TENM4: variants seen among roughly 807,000 people sequenced by gnomAD.
The protein encoded by TENM4 is teneurin-4.
A neutral mutation model predicts 243.3 loss-of-function variants in TENM4; 82 were observed. The ratio of observed to expected loss-of-function variants is 0.34; its 90% CI spans 0.28 to 0.40. The LOEUF is 0.40. TENM4 is among the 10% of genes least tolerant of loss of function. The pLI is 1.00. For synonymous variants in TENM4, 1,412 were observed against 1,456.3 expected (o/e 0.97, Z 0.69); for missense variants, 3,138 against 3,673.3 (o/e 0.85, Z 3.77).
intron 7 of TENM4, 71 bp downstream of exon 7, chr11:78,903,197 C>A: frequency 6.9e-7 from 1 of 1,443,670 alleles, no homozygotes; most frequent in Non-Finnish European, 9.1e-7. Flanking sequence ...ATGGCCCCGC[C>A]AGCCAAAGAC....
chr11:78,895,081 C>T (rs1037684393), intron 7 of TENM4, among the ~76,000 whole-genome samples: 16 of 150,950 alleles, frequency 1.1e-4, no homozygotes, highest in South Asian at 2.1e-4. Context: ...TTGTGGCTCA[C>T]GCCTGTAATC....
intron 19 of TENM4, among the ~76,000 whole-genome samples, chr11:78,739,499 G>A (rs1368278788): frequency 2.0e-5 from 3 of 151,958 alleles, no homozygotes; most frequent in African/African-American, 7.3e-5. Flanking sequence ...GCTCTTTGAG[G>A]GTAGGTCAAG....
chr11:79,183,069 T>A (rs967903360), intron 3 of TENM4, among the ~76,000 whole-genome samples: 12 of 152,176 alleles, frequency 7.9e-5, no homozygotes, highest in African/African-American at 2.9e-4. Flanking sequence ...TTTACCCAAA[T>A]GAATTGAAAA....
chr11:79,001,538 G>C (rs1420209508), intron 6 of TENM4, among the ~76,000 whole-genome samples: 1 of 152,150 alleles, frequency 6.6e-6, no homozygotes, highest in East Asian at 1.9e-4. Flanking sequence ...GAGGTTGTAG[G>C]AGCAGGGCTC....
At chr11:78,921,778 C>G (rs1410987497) in intron 6 of TENM4, among the ~76,000 whole-genome samples, 1 of 152,250 alleles carries the variant, frequency 6.6e-6, no homozygotes, top group Non-Finnish European at 1.5e-5. Flanking sequence ...CTTGTGATCT[C>G]AGACTGAGGA....
Position 79,383,874 on chromosome 11 carries a change from C to T in TENM4, c.-321+56635G>A, listed in dbSNP as rs563917931. Among the ~76,000 whole-genome samples, 316 of 152,340 alleles carry T rather than the reference C, an allele frequency of 2.1e-3. 3 individuals are homozygous for T. In the South Asian group the frequency reaches 0.023, roughly 11 times the overall value. On this transcript the variant is annotated intron_variant, in intron 1 of 33. Transcript: ENST00000278550. The stretch of plus-strand genomic sequence containing the variant: ...GTGTCAAGCCTTGAACAAGAAACCA[C>T]GGCACAGAAATGAATGTTCACATAA...
At chr11:78,982,227 T>C (rs1857814199) in intron 6 of TENM4, among the ~76,000 whole-genome samples, 1 of 152,138 alleles carries the variant, frequency 6.6e-6, no homozygotes, top group African/African-American at 2.4e-5. Flanking sequence ...TGCCAGGCAC[T>C]GGGACCCAGT....
Position 79,372,296 on chromosome 11 carries a change from G to A in TENM4, c.-321+68213C>T, listed in dbSNP as rs186301143. Among the ~76,000 whole-genome samples, 663 of 152,302 alleles carry A rather than the reference G, an allele frequency of 4.4e-3. 1 individual carries two copies. Among genetic ancestry groups the A allele is most frequent in the Non-Finnish European group, 7.0e-3 (478 of 68,026 alleles). On this transcript the variant is annotated intron_variant, in intron 1 of 33. Transcript: ENST00000278550. ...CCCATATGATGGGATTTGGATGGCA[G>A]AACCATTTTCTTTTGCAGTAAAATG...
At chr11:79,055,358 C>T (rs946198618) in intron 6 of TENM4, among the ~76,000 whole-genome samples, 1 of 152,070 alleles carries the variant, frequency 6.6e-6, no homozygotes, top group African/African-American at 2.4e-5. Context: ...CCTCCCACCT[C>T]AGCTTCCTGA....
chr11:78,908,735 T>C (rs1473235869), intron 6 of TENM4, among the ~76,000 whole-genome samples: 1 of 152,230 alleles, frequency 6.6e-6, no homozygotes, highest in South Asian at 2.1e-4. Context: ...TGAAAGCTCC[T>C]TTCTGCATTA....
chr11:78,898,455 T>C (rs1855845741), intron 7 of TENM4, among the ~76,000 whole-genome samples: 1 of 152,208 alleles, frequency 6.6e-6, no homozygotes, highest in Non-Finnish European at 1.5e-5. Context: ...GCTCCCATTC[T>C]GGTGGGGACT....
chr11:78,824,554 T>C (rs187173181), intron 12 of TENM4, among the ~76,000 whole-genome samples: 24 of 149,332 alleles, frequency 1.6e-4, no homozygotes, highest in African/African-American at 5.7e-4. Flanking sequence ...CAGGCTGGAG[T>C]GCAGTGGCAC....
chr11:79,122,298 T>G (rs1861760274), intron 4 of TENM4, among the ~76,000 whole-genome samples: 1 of 151,966 alleles, frequency 6.6e-6, no homozygotes, highest in Non-Finnish European at 1.5e-5. Flanking sequence ...ACTGGGAGAT[T>G]TATATTTGTC....
Position 79,138,986 on chromosome 11 carries a change from CTATAAATATATAAAATATATATTATATTT to C in TENM4, c.-66+9695_-66+9723del, listed in dbSNP as rs1565219965. Among the ~76,000 whole-genome samples the C allele has an allele frequency of 4.7e-3, 159 of 33,828 alleles. 23 individuals carry two copies. The highest frequency in any genetic ancestry group is 9.7e-3 in the Non-Finnish European group (132 of 13,672). The allele number at this position is 33,828 out of a possible 152,430, so 22.2% of individuals were successfully genotyped here. A position where few individuals can be genotyped will look rare whatever the true frequency, so the allele number is the denominator to read the frequency against. The stretch of plus-strand genomic sequence containing the variant: ...AATATATAAAATATATATTATATTT[CTATAAATATATAAAATATATATTATATTT>C]CTATAAATATATATTATATTTCTAT... On this transcript the variant is annotated intron_variant, in intron 4 of 33. Coordinates refer to ENST00000278550, the MANE Select transcript of TENM4 (RefSeq NM_001098816.3).
chr11:78,879,200 G>A (rs904793699), intron 9 of TENM4, among the ~76,000 whole-genome samples: 28 of 141,572 alleles, frequency 2.0e-4, no homozygotes, highest in South Asian at 4.8e-4. Context: ...CCGCCACCCC[G>A]TCTAGGAAGT....
intron 6 of TENM4, among the ~76,000 whole-genome samples, chr11:78,948,519 C>T (rs1455322132): frequency 1.3e-5 from 2 of 152,032 alleles, no homozygotes; most frequent in Non-Finnish European, 2.9e-5. Context: ...ACTACAGGCA[C>T]CCGCCACCGC....
At chr11:79,105,877 T>G (rs1861353518) in intron 4 of TENM4, among the ~76,000 whole-genome samples, 1 of 151,282 alleles carries the variant, frequency 6.6e-6, no homozygotes, top group African/African-American at 2.4e-5. Context: ...GAATTAATGG[T>G]GCTAGGAGAT....
At chr11:79,264,984 C>T (rs1025301461) in intron 2 of TENM4, among the ~76,000 whole-genome samples, 3 of 152,172 alleles carry the variant, frequency 2.0e-5, no homozygotes, top group Admixed American at 6.5e-5. Context: ...TGAGTGGAGG[C>T]AGCCAGGTGT....
chr11:79,056,916 C>A (rs1400371222), intron 6 of TENM4, among the ~76,000 whole-genome samples: 1 of 152,206 alleles, frequency 6.6e-6, no homozygotes, highest in Non-Finnish European at 1.5e-5. Flanking sequence ...ACAGTACTGG[C>A]AAGCCATTTT....
Sources: gnomAD v4.1 joint callset for allele counts (sites outside exome capture counted in the v4.1 genomes callset) on GRCh38, gnomAD v4.1.1 for gene constraint, MANE v1.5 for transcripts, NCBI Gene and HGNC (gene_info 2026-07-23, HGNC 2026-07-21) for gene names.